EXT1: variants seen among roughly 807,000 people sequenced by gnomAD.
EXT1 encodes the protein exostosin-1.
Under a neutral mutation model 82.5 loss-of-function variants are expected in EXT1, and 20 were observed. The observed-to-expected ratio is 0.24, with a 90% CI of 0.17 to 0.35. EXT1 has a LOEUF of 0.35. EXT1 is among the 10% of genes least tolerant of loss of function. The pLI, the probability that EXT1 is intolerant of heterozygous loss-of-function variation, is 1.00. For missense variants in EXT1, 757 were observed against 936.5 expected, an observed-to-expected ratio of 0.81 and a Z score of 2.50; for synonymous variants, 348 against 350.8, an observed-to-expected ratio of 0.99 and a Z score of 0.09.
intron 1 of EXT1, among the ~76,000 whole-genome samples, chr8:118,048,862 A>C (rs1221086329): frequency 6.6e-6 from 1 of 152,230 alleles, no homozygotes; most frequent in Non-Finnish European, 1.5e-5. Context: ...CTGAACAAGG[A>C]TCCAAGGAAT....
chr8:118,085,666 G>A (rs1188826175), intron 1 of EXT1, among the ~76,000 whole-genome samples: 1 of 151,680 alleles, frequency 6.6e-6, no homozygotes, highest in Non-Finnish European at 1.5e-5. Flanking sequence ...CTGGGAACAA[G>A]AGCCACATGT....
chr8:117,875,296 T>C (rs958740619), intron 1 of EXT1, among the ~76,000 whole-genome samples: 2 of 151,936 alleles, frequency 1.3e-5, no homozygotes, highest in Non-Finnish European at 2.9e-5. Flanking sequence ...TGGTGCGCAC[T>C]TGTAATCCCA....
intron 2 of EXT1, 38 bp from the exon 3 acceptor site, chr8:117,835,589 C>A (rs372856545): frequency 7.2e-5 from 105 of 1,462,316 alleles, no homozygotes; most frequent in Non-Finnish European, 9.8e-5. Flanking sequence ...GTGAGGAAAG[C>A]GACAGCAGAA....
chr8:118,078,480 G>A (rs1009790823), intron 1 of EXT1, among the ~76,000 whole-genome samples: 3 of 151,050 alleles, frequency 2.0e-5, no homozygotes, highest in Non-Finnish European at 2.9e-5. Flanking sequence ...TTACAGGCAT[G>A]AGCCACCATG....
chr8:118,055,145 T>A (rs1392746109), intron 1 of EXT1, among the ~76,000 whole-genome samples: 1 of 152,138 alleles, frequency 6.6e-6, no homozygotes, highest in Non-Finnish European at 1.5e-5. Flanking sequence ...TTCCTTACCA[T>A]CCACTCCAAC....
chr8:117,831,962 T>C (rs1812107088), intron 3 of EXT1, among the ~76,000 whole-genome samples: 1 of 152,202 alleles, frequency 6.6e-6, no homozygotes, highest in Non-Finnish European at 1.5e-5. Flanking sequence ...AACATTAGCC[T>C]GTAATCAGAG....
intron 1 of EXT1, among the ~76,000 whole-genome samples, chr8:117,887,291 T>C (rs1414862050): frequency 2.6e-5 from 4 of 152,234 alleles, no homozygotes; most frequent in African/African-American, 9.6e-5. Context: ...GGAGAAATTT[T>C]CCAAAAATAT....
At chr8:118,062,273 T>C (rs558237969) in intron 1 of EXT1, among the ~76,000 whole-genome samples, 4 of 152,320 alleles carry the variant, frequency 2.6e-5, no homozygotes, top group South Asian at 4.1e-4. Context: ...AAGAAATGTT[T>C]AGGTAGAGGC....
intron 1 of EXT1, among the ~76,000 whole-genome samples, chr8:118,066,332 CTTTA>C (rs71307424): frequency 0.075 from 10,739 of 143,858 alleles, 513 homozygotes; most frequent in African/African-American, 0.13. Context: ...TTTTCTCTAG[CTTTA>C]TTTATTTATT....
intron 1 of EXT1, among the ~76,000 whole-genome samples, chr8:117,962,501 C>A (rs909024499): frequency 2.0e-5 from 3 of 152,056 alleles, no homozygotes; most frequent in African/African-American, 7.2e-5. Flanking sequence ...ACCTGTAATC[C>A]CAGCACTTTT....
intron 9 of EXT1, among the ~76,000 whole-genome samples, chr8:117,805,725 A>C (rs1449066529): frequency 6.6e-6 from 1 of 152,196 alleles, no homozygotes; most frequent in Non-Finnish European, 1.5e-5. Flanking sequence ...TACTAAAAAG[A>C]CTAAGGCAAG....
chr8:118,042,791 C>G (rs1016363354), intron 1 of EXT1, among the ~76,000 whole-genome samples: 13 of 152,206 alleles, frequency 8.5e-5, no homozygotes, highest in African/African-American at 3.1e-4. Context: ...GACAGTTGCT[C>G]CTTCTCACCT....
At chr8:118,046,423 A>C (rs17454008) in intron 1 of EXT1, among the ~76,000 whole-genome samples, 4 of 152,050 alleles carry the variant, frequency 2.6e-5, no homozygotes, top group African/African-American at 9.7e-5. Context: ...CTAACTCGTC[A>C]TGTCTCTCAT....
At chr8:117,948,140 C>A (rs1814423279) in intron 1 of EXT1, among the ~76,000 whole-genome samples, 1 of 151,776 alleles carries the variant, frequency 6.6e-6, no homozygotes, top group African/African-American at 2.4e-5. Context: ...GGCTCATATG[C>A]CTAGGGCAAT....
At chr8:117,944,242 C>T (rs1054590193) in intron 1 of EXT1, among the ~76,000 whole-genome samples, 5 of 151,798 alleles carry the variant, frequency 3.3e-5, no homozygotes, top group Admixed American at 2.6e-4. Context: ...CAAAAAAATA[C>T]AAAAAAAACT....
chr8:118,059,616 G>A lies in EXT1; in HGVS notation c.962+50469C>T, dbSNP rs187192472. 5.9e-4 allele frequency among the ~76,000 whole-genome samples: 90 copies of A among 152,312 alleles called. No individual in the cohort carries two copies. In the Middle Eastern group the frequency reaches 0.014, roughly 23 times the overall value. On this transcript the variant is annotated intron_variant, in intron 1 of 10. Coordinates refer to ENST00000378204, the MANE Select transcript of EXT1 (RefSeq NM_000127.3). ...CAGCAGCTTTTGGAATGTTTCATCC[G>A]TTCCCTGCTATGGTCCCTCATCAGC...
intron 1 of EXT1, among the ~76,000 whole-genome samples, chr8:117,939,395 C>A (rs575311444): frequency 2.0e-5 from 3 of 151,940 alleles, no homozygotes; most frequent in African/African-American, 7.2e-5. Flanking sequence ...CATGGCGAAA[C>A]CCTGTCTCTA....
At chr8:117,938,824 ATAAG>A (rs1203513735) in intron 1 of EXT1, among the ~76,000 whole-genome samples, 8 of 152,248 alleles carry the variant, frequency 5.3e-5, no homozygotes, top group African/African-American at 1.2e-4. Context: ...TTTATCATAA[ATAAG>A]TGTTAACACA....
intron 1 of EXT1, among the ~76,000 whole-genome samples, chr8:118,074,812 T>A (rs1437457967): frequency 2.0e-5 from 3 of 152,118 alleles, no homozygotes; most frequent in African/African-American, 7.2e-5. Flanking sequence ...TAAATCCCTT[T>A]ACAACTCTGT....
Sources: gnomAD v4.1 joint callset for allele counts (sites outside exome capture counted in the v4.1 genomes callset) on GRCh38, gnomAD v4.1.1 for gene constraint, MANE v1.5 for transcripts, NCBI Gene and HGNC (gene_info 2026-07-23, HGNC 2026-07-21) for gene names.